Variants in NRBP2 observed in about 807,000 individuals in gnomAD.
NRBP2 encodes the protein nuclear receptor-binding protein 2.
In NRBP2, 47 loss-of-function variants were observed where a neutral mutation model predicts 74.4. The observed-to-expected ratio is 0.63, with a 90% confidence interval of 0.50 to 0.81. NRBP2 has a LOEUF of 0.81. NRBP2 is among the 30% of genes least tolerant of loss of function. The pLI is 0.00. For synonymous variants in NRBP2, 312 were observed against 273.8 expected (o/e 1.14, Z -1.38); for missense variants, 613 against 690.1 (o/e 0.89, Z 1.25).
intron 10 of NRBP2, 88 bp downstream of exon 10, chr8:143,838,592 G>T (rs1165620944): frequency 2.1e-6 from 2 of 941,424 alleles, no homozygotes; most frequent in Non-Finnish European, 1.6e-6. Flanking sequence ...CACAAACTGT[G>T]ATGTTCTCCC....
chr8:143,832,990 A>G (rs184191197), downstream of NRBP2, among the ~76,000 whole-genome samples: 193 of 152,280 alleles, frequency 1.3e-3, 2 homozygotes, highest in Non-Finnish European at 6.2e-4. Flanking sequence ...ACAACTTCCT[A>G]TGCACCCTCT....
Position 143,839,561 on chromosome 8 carries a change from C to A in NRBP2, c.445-12G>T. Reference sequence around the variant, plus strand: ...CAGCGCTTCCAGGCCTGGCGGCGGACGCACGACTCCGTCGGTCGGGTGGGC... The same window carrying A: ...CAGCGCTTCCAGGCCTGGCGGCGGAAGCACGACTCCGTCGGTCGGGTGGGC... On this transcript the variant is annotated splice_polypyrimidine_tract_variant and intron_variant, in intron 4 of 17. Transcript: ENST00000442628. The surrounding 1 kb of genome is among the most constrained non-coding windows in gnomAD (Gnocchi z 5.1). 1 of 1,529,354 alleles carries A rather than the reference C, an allele frequency of 6.5e-7. No individual in the cohort carries two copies. Among genetic ancestry groups the A allele is most frequent in the Non-Finnish European group, 8.7e-7 (1 of 1,144,010 alleles). The allele number at this position is 1,529,354 out of a possible 1,614,324, so 94.7% of individuals were successfully genotyped here. A position where few individuals can be genotyped will look rare whatever the true frequency, so the allele number is the denominator to read the frequency against.
chr8:143,840,440 A>C lies in NRBP2; in HGVS notation c.130-211T>G, dbSNP rs1005421150. The C allele has an allele frequency of 1.4e-5, 10 of 708,138 alleles. No individual in the cohort carries two copies. Among genetic ancestry groups the C allele is most frequent in the Admixed American group, 3.0e-5 (1 of 33,742 alleles). 43.9% of individuals were successfully genotyped at this position (708,138 alleles called of 1,614,324 possible). ...GCTAAGGGGATTTGGAGCAGGTTTC[A>C]GGGGGTCGAGGGGGATCCCCAGGAA... On this transcript the variant is annotated intron_variant, in intron 1 of 17. Transcript: ENST00000442628. This position sits in a 1 kb window ranked among gnomAD's most constrained non-coding sequence, Gnocchi z 5.7.
chr8:143,838,704 G>C lies in NRBP2; in HGVS notation c.816C>G (p.His272Gln). The C allele has an allele frequency of 2.5e-6, 4 of 1,611,876 alleles. No homozygotes were observed. The highest frequency in any genetic ancestry group is 3.4e-6 in the Non-Finnish European group (4 of 1,179,006). The part of the protein sequence containing the change: ...VTEEAIARAR[H>Q]SLSDPNMREF... ...CCCGCATGTTGGGGTCACTCAGCGA[G>C]TGCCTGGCGCGAGCAATGGCCTCCT... The change falls in exon 10 of 18, where the codon CAC (histidine) becomes CAG (glutamine). Residue 272 changes from histidine (H) to glutamine (Q), a missense_variant. Physicochemically the swap from His to Gln is conservative, Grantham distance 24. Transcript: ENST00000442628.
rs781969966 is a variant in NRBP2, at chr8:143,835,807, C to A, written c.1437+13G>T. 37 of 1,600,370 alleles carry A rather than the reference C, an allele frequency of 2.3e-5. No individual in the cohort carries two copies. Among genetic ancestry groups the A allele is most frequent in the Non-Finnish European group, 1.7e-6 (2 of 1,174,416 alleles). ...GCCCCCTCCGCCAGGCCGCGCCGCA[C>A]CGCCCAGCGCACCTCGTGGAGGAAG... is the stretch of plus-strand genomic sequence containing the variant. On this transcript the variant is annotated intron_variant, in intron 17 of 17. Coordinates refer to ENST00000442628, the MANE Select transcript of NRBP2 (RefSeq NM_178564.4). The surrounding 1 kb of genome is among the most constrained non-coding windows in gnomAD (Gnocchi z 4.9).
At chr8:143,836,058 T>G in intron 15 of NRBP2, 28 bp from the exon 16 acceptor site, 1 of 1,566,964 alleles carries the variant, frequency 6.4e-7, no homozygotes, top group Non-Finnish European at 8.6e-7. Flanking sequence ...CGTGGTCGGC[T>G]GGGGGTTCAG....
chr8:143,838,349 G>A (rs1232613366), intron 10 of NRBP2, among the ~76,000 whole-genome samples: 3 of 152,234 alleles, frequency 2.0e-5, no homozygotes, highest in African/African-American at 7.2e-5. Context: ...CCCAGGTGCA[G>A]ATGTTGGCTC....
rs528651407 is a variant in NRBP2 at position 143,835,678 on chromosome 8, C to G, written c.1490G>C (p.Arg497Pro). 1 of 1,595,856 alleles carries G rather than the reference C, an allele frequency of 6.3e-7. No individual in the cohort carries two copies. Among genetic ancestry groups the G allele is most frequent in the South Asian group, 1.1e-5 (1 of 88,406 alleles). ...GGCTCCGGGTCAGGCCTGGGTCCCA[C>G]GGTACTTGAGGAAGGTGCTCTCCAG... ...AFLESTFLKY[R>P]GTQA The change falls in exon 18 of 18, where the codon CGT (arginine) becomes CCT (proline). Residue 497 changes from arginine (R) to proline (P), a missense_variant. Around this residue, in one of 2 missense-constraint regions of NRBP2, gnomAD observed 281 missense variants for 260.9 expected, o/e 1.08. Transcript: ENST00000442628. This position sits in a 1 kb window ranked among gnomAD's most constrained non-coding sequence, Gnocchi z 4.9.
At position 143,839,102 on chromosome 8, in the gene NRBP2, T is replaced by C; in HGVS notation, c.605-2A>G. ...GGCTTCGGAGATCATCTGGAAGTGC[T>C]GTGGGAGGGCGCAGAGCTGAGCGGG... On this transcript the variant is annotated splice_acceptor_variant, in intron 7 of 17. Coordinates refer to ENST00000442628, the MANE Select transcript of NRBP2 (RefSeq NM_178564.4). LOFTEE classifies it high-confidence loss of function. The surrounding 1 kb of genome is among the most constrained non-coding windows in gnomAD (Gnocchi z 5.1). The C allele has an allele frequency of 6.6e-7, 1 of 1,522,232 alleles. No individual in the cohort carries two copies. The highest frequency in any genetic ancestry group is 8.8e-7 in the Non-Finnish European group (1 of 1,138,088). The allele number at this position is 1,522,232 out of a possible 1,614,324, so 94.3% of individuals were successfully genotyped here. A position where few individuals can be genotyped will look rare whatever the true frequency, so the allele number is the denominator to read the frequency against.
rs2130552095 is a variant in NRBP2 at position 143,839,018 on chromosome 8, T to G, written c.687A>C (p.Gly229=). The G allele has an allele frequency of 6.5e-7, 1 of 1,547,068 alleles. No individual in the cohort carries two copies. Among genetic ancestry groups the G allele is most frequent in the Non-Finnish European group, 8.7e-7 (1 of 1,146,636 alleles). ...RNLHFFPPEY[G]EVADGTAVDI... ...GCACCCGGACCCAGCACCACTCACC[T>G]CCATACTCTGGGGGGAAGAAGTGCA... The change falls in exon 8 of 18, where the codon GGA becomes GGC. Residue 229 remains glycine (G), a splice_region_variant and synonymous_variant. Transcript: ENST00000442628. This position sits in a 1 kb window ranked among gnomAD's most constrained non-coding sequence, Gnocchi z 5.1.
Position 143,839,165 on chromosome 8 carries a change from C to T in NRBP2, c.604+7G>A. The T allele has an allele frequency of 1.3e-6, 2 of 1,524,616 alleles. No homozygotes were observed. Among genetic ancestry groups the T allele is most frequent in the South Asian group, 2.4e-5 (2 of 82,340 alleles). 94.4% of individuals were successfully genotyped at this position (1,524,616 alleles called of 1,614,324 possible). A position where few individuals can be genotyped will look rare whatever the true frequency, so the allele number is the denominator to read the frequency against. ...CAGGACCCCGTCCCCCCAAAGTCCG[C>T]ACTTACCATTGGAGAAGATTCGGTG... On this transcript the variant is annotated splice_region_variant and intron_variant, in intron 7 of 17. Coordinates refer to ENST00000442628, the MANE Select transcript of NRBP2 (RefSeq NM_178564.4). This position sits in a 1 kb window ranked among gnomAD's most constrained non-coding sequence, Gnocchi z 5.1.
chr8:143,836,072 TCCGCCACGCTC>T (rs1818364709), intron 15 of NRBP2, 42 bp from the exon 16 acceptor site: 1 of 1,576,266 alleles, frequency 6.3e-7, no homozygotes, highest in Non-Finnish European at 8.6e-7. Context: ...GGTTCAGGGC[TCCGCCACGCTC>T]CCGCCTTCCC....
chr8:143,836,889 C>A (rs1482478532), intron 14 of NRBP2, 150 bp downstream of exon 14: 1 of 897,864 alleles, frequency 1.1e-6, no homozygotes. Flanking sequence ...CCCATGACCC[C>A]CACAAGGGGG....
In NRBP2 at chr8:143,837,602, C is replaced by G; in HGVS notation, c.973+21G>C. 1 of 1,597,742 alleles carries G rather than the reference C, an allele frequency of 6.3e-7. No individual in the cohort carries two copies. Among genetic ancestry groups the G allele is most frequent in the Non-Finnish European group, 8.5e-7 (1 of 1,172,794 alleles). On this transcript the variant is annotated intron_variant, in intron 11 of 17. Transcript: ENST00000442628. This position sits in a 1 kb window ranked among gnomAD's most constrained non-coding sequence, Gnocchi z 4.3. ...CAACCTCCACCTCCCCAGCCACCCC[C>G]CGGGCCGGCCTGCTGCTCACACTGG...
At chr8:143,831,183 G>A (rs1818152840), downstream of NRBP2, among the ~76,000 whole-genome samples, 1 of 152,214 alleles carries the variant, frequency 6.6e-6, no homozygotes, top group Non-Finnish European at 1.5e-5. Flanking sequence ...ATTCATTCAT[G>A]GGATCCTCAC....
At chr8:143,830,940 A>G (rs1375887274), downstream of NRBP2, among the ~76,000 whole-genome samples, 1 of 152,242 alleles carries the variant, frequency 6.6e-6, no homozygotes, top group Non-Finnish European at 1.5e-5. Flanking sequence ...GTCTTCCAGA[A>G]TGTATAATGA....
Position 143,835,807 on chromosome 8 carries a change from C to T in NRBP2, c.1437+13G>A, listed in dbSNP as rs781969966. On this transcript the variant is annotated intron_variant, in intron 17 of 17. Coordinates refer to ENST00000442628, the MANE Select transcript of NRBP2 (RefSeq NM_178564.4). This position sits in a 1 kb window ranked among gnomAD's most constrained non-coding sequence, Gnocchi z 4.9. ...GCCCCCTCCGCCAGGCCGCGCCGCACCGCCCAGCGCACCTCGTGGAGGAAG... is the reference window on the plus strand; with the variant it reads ...GCCCCCTCCGCCAGGCCGCGCCGCATCGCCCAGCGCACCTCGTGGAGGAAG... The T allele has an allele frequency of 6.2e-7, 1 of 1,600,486 alleles. No homozygotes were observed. The highest frequency in any genetic ancestry group is 8.5e-7 in the Non-Finnish European group (1 of 1,174,408).
Position 143,837,640 on chromosome 8 carries a change from C to A in NRBP2, c.956G>T (p.Cys319Phe). ...CTGCTCACACTGGTGCTGGATGAAG[C>A]AGTGGGCTGCCAGGAGCTTCAGCGA... ...VHSLKLLAAH[C>F]FIQHQYLMPE... is the part of the protein sequence containing the mutation. The change falls in exon 11 of 18, where the codon TGC (cysteine) becomes TTC (phenylalanine). Residue 319 changes from cysteine (C) to phenylalanine (F), a missense_variant. Coordinates refer to ENST00000442628, the MANE Select transcript of NRBP2 (RefSeq NM_178564.4). This position sits in a 1 kb window ranked among gnomAD's most constrained non-coding sequence, Gnocchi z 4.3. The A allele has an allele frequency of 6.3e-7, 1 of 1,599,658 alleles. No homozygotes were observed. The highest frequency in any genetic ancestry group is 8.5e-7 in the Non-Finnish European group (1 of 1,173,374).
chr8:143,839,568 C>T lies in NRBP2; in HGVS notation c.445-19G>A. 6.5e-7 allele frequency: 1 copy of T among 1,528,174 alleles called. No individual in the cohort carries two copies. Among genetic ancestry groups the T allele is most frequent in the Non-Finnish European group, 8.7e-7 (1 of 1,143,400 alleles). 94.7% of individuals were successfully genotyped at this position (1,528,174 alleles called of 1,614,324 possible). On this transcript the variant is annotated intron_variant, in intron 4 of 17. Transcript: ENST00000442628. This position sits in a 1 kb window ranked among gnomAD's most constrained non-coding sequence, Gnocchi z 5.1. ...TCCAGGCCTGGCGGCGGACGCACGA[C>T]TCCGTCGGTCGGGTGGGCGCAGGAG...
Sources: gnomAD v4.1 joint callset for allele counts (sites outside exome capture counted in the v4.1 genomes callset) on GRCh38, gnomAD v4.1.1 for gene constraint, gnomAD v4.1.1 regional missense constraint, Gnocchi (gnomAD v3.1) non-coding constraint, MANE v1.5 for transcripts, NCBI Gene and HGNC (gene_info 2026-07-23, HGNC 2026-07-21) for gene names.